PACRG: variants seen among roughly 807,000 people sequenced by gnomAD.
The protein encoded by PACRG is parkin coregulated, also known as parkin coregulated gene protein.
PACRG carries 29 observed loss-of-function variants against 29.7 expected under a neutral mutation model. The ratio of observed to expected loss-of-function variants is 0.98; its 90% CI spans 0.73 to 1.33. PACRG has a LOEUF of 1.33. Among genes scored for constraint, PACRG ranks in the 40% most tolerant of loss-of-function variants. The pLI, the probability that PACRG is intolerant of heterozygous loss-of-function variation, is 0.00. For missense variants in PACRG, 279 were observed against 316.2 expected, an observed-to-expected ratio of 0.88 and a Z score of 0.89; for synonymous variants, 116 against 118.7, an observed-to-expected ratio of 0.98 and a Z score of 0.15.
intron 2 of PACRG, among the ~76,000 whole-genome samples, chr6:163,019,702 T>C (rs1460126713): frequency 6.6e-6 from 1 of 152,182 alleles, no homozygotes; most frequent in African/African-American, 2.4e-5. Context: ...CCCATTGCCT[T>C]ATATTTTAAG....
chr6:163,312,442 A>C (rs1291067131), intron 4 of PACRG, among the ~76,000 whole-genome samples: 4 of 152,002 alleles, frequency 2.6e-5, no homozygotes, highest in Non-Finnish European at 4.4e-5. Flanking sequence ...AAATGTCAAC[A>C]ACGCCTCCTC....
At chr6:163,021,566 C>T (rs1175558985) in intron 2 of PACRG, among the ~76,000 whole-genome samples, 3 of 152,126 alleles carry the variant, frequency 2.0e-5, no homozygotes, top group South Asian at 2.1e-4. Flanking sequence ...GCAACCTGAT[C>T]GTTCATTCTT....
intron 4 of PACRG, among the ~76,000 whole-genome samples, chr6:163,100,388 C>T (rs1814994325): frequency 6.6e-6 from 1 of 152,212 alleles, no homozygotes; most frequent in South Asian, 2.1e-4. Flanking sequence ...TTCCATTCTG[C>T]ACCGCAGGGA....
intron 2 of PACRG, among the ~76,000 whole-genome samples, chr6:163,019,910 A>G (rs1313918928): frequency 1.3e-5 from 2 of 152,254 alleles, no homozygotes; most frequent in Admixed American, 6.5e-5. Context: ...GCAGCAGATA[A>G]CAAATATCAA....
intron 4 of PACRG, among the ~76,000 whole-genome samples, chr6:163,253,169 G>A (rs549111671): frequency 1.6e-4 from 25 of 151,742 alleles, no homozygotes; most frequent in Non-Finnish European, 2.8e-4. Context: ...GCATGGTGGC[G>A]TGTTCCTATA....
chr6:162,999,798 T>C (rs1413362641), intron 2 of PACRG, among the ~76,000 whole-genome samples: 1 of 152,258 alleles, frequency 6.6e-6, no homozygotes, highest in African/African-American at 2.4e-5. Context: ...GAGTGAAATA[T>C]CATTAATCCT....
intron 4 of PACRG, chr6:163,095,316 A>G (rs932986488): frequency 2.0e-6 from 2 of 985,182 alleles, no homozygotes; most frequent in Non-Finnish European, 2.4e-6. Flanking sequence ...TTACGTCTCT[A>G]TGTGCTCTTC....
At chr6:163,191,605 C>A in intron 4 of PACRG, 2 of 455,666 alleles carry the variant, frequency 4.4e-6, no homozygotes, top group Non-Finnish European at 8.8e-6. Flanking sequence ...CACTCACGAG[C>A]TGAGACCTCC....
At chr6:162,783,763 C>T (rs1584341141) in intron 1 of PACRG, among the ~76,000 whole-genome samples, 2 of 151,930 alleles carry the variant, frequency 1.3e-5, no homozygotes, top group Admixed American at 6.6e-5. Flanking sequence ...AATTTTGAGA[C>T]CTATTGTTAA....
chr6:163,171,752 G>A (rs1779097555), intron 4 of PACRG, among the ~76,000 whole-genome samples: 1 of 152,194 alleles, frequency 6.6e-6, no homozygotes, highest in Admixed American at 6.5e-5. Flanking sequence ...AACACAGACA[G>A]ACTGAAAAAC....
At chr6:163,201,904 G>T (rs1003085495) in intron 4 of PACRG, among the ~76,000 whole-genome samples, 15 of 152,214 alleles carry the variant, frequency 9.9e-5, no homozygotes, top group African/African-American at 3.6e-4. Context: ...TTCCTCACAC[G>T]GTGGTGGCCA....
chr6:163,040,593 G>T (rs1010198689), intron 2 of PACRG, among the ~76,000 whole-genome samples: 1 of 152,226 alleles, frequency 6.6e-6, no homozygotes, highest in Admixed American at 6.5e-5. Context: ...CAGGGGTGGA[G>T]CTGCCTAAGG....
At chr6:163,129,442 C>G (rs1055419229) in intron 4 of PACRG, among the ~76,000 whole-genome samples, 1 of 152,178 alleles carries the variant, frequency 6.6e-6, no homozygotes, top group African/African-American at 2.4e-5. Flanking sequence ...AGACTGCAGC[C>G]CTCACCATCA....
intron 2 of PACRG, among the ~76,000 whole-genome samples, chr6:162,973,747 A>T (rs775355528): frequency 1.3e-5 from 2 of 150,480 alleles, no homozygotes; most frequent in Non-Finnish European, 2.9e-5. Context: ...ATAAAACCTT[A>T]AGAGTAGTGT....
At chr6:163,256,356 T>C (rs1291366072) in intron 4 of PACRG, among the ~76,000 whole-genome samples, 1 of 152,204 alleles carries the variant, frequency 6.6e-6, no homozygotes, top group African/African-American at 2.4e-5. Context: ...AGTGAACAGC[T>C]TGGCTGTCAC....
At chr6:162,799,747 A>G (rs1208130188) in intron 1 of PACRG, among the ~76,000 whole-genome samples, 1 of 152,118 alleles carries the variant, frequency 6.6e-6, no homozygotes, top group Non-Finnish European at 1.5e-5. Context: ...CATTAGACAC[A>G]AGGATTTTCA....
At chr6:162,934,791 G>A (rs1798116205) in intron 2 of PACRG, among the ~76,000 whole-genome samples, 1 of 152,094 alleles carries the variant, frequency 6.6e-6, no homozygotes. Context: ...ATATTTTCAT[G>A]TGTTTTCATG....
At chr6:163,165,551 C>G (rs1021286159) in intron 4 of PACRG, 1 of 156,218 alleles carries the variant, frequency 6.4e-6, no homozygotes, top group African/African-American at 2.4e-5. Flanking sequence ...TGTGGAGACC[C>G]CTGTCTCAGG....
At chr6:162,984,059 G>A (rs1802668674) in intron 2 of PACRG, among the ~76,000 whole-genome samples, 1 of 151,788 alleles carries the variant, frequency 6.6e-6, no homozygotes, top group South Asian at 2.1e-4. Context: ...TGGGAAACGG[G>A]TGGTGTTTGG....
Sources: gnomAD v4.1 joint callset for allele counts (sites outside exome capture counted in the v4.1 genomes callset) on GRCh38, gnomAD v4.1.1 for gene constraint, MANE v1.5 for transcripts, NCBI Gene and HGNC (gene_info 2026-07-23, HGNC 2026-07-21) for gene names.